Variants in CAMK4 observed in about 807,000 individuals in gnomAD.
CAMK4 encodes calcium/calmodulin-dependent protein kinase type IV.
CAMK4 carries 22 observed loss-of-function variants against 44.9 expected under a neutral mutation model. That is an observed-to-expected ratio of 0.49 (90% CI 0.35 to 0.70). The LOEUF (loss-of-function observed/expected upper bound fraction) is 0.70. CAMK4 is among the 30% of genes least tolerant of loss of function. The pLI, the probability that CAMK4 is intolerant of heterozygous loss-of-function variation, is 0.01. For synonymous variants in CAMK4, 218 were observed against 215.4 expected, an observed-to-expected ratio of 1.01 and a Z score of -0.11; for missense variants, 498 against 586.8, an observed-to-expected ratio of 0.85 and a Z score of 1.56.
chr5:111,477,844 CT>C (rs1755299932), intron 8 of CAMK4, among the ~76,000 whole-genome samples: 1 of 152,058 alleles, frequency 6.6e-6, no homozygotes, highest in Non-Finnish European at 1.5e-5. Context: ...TGTCATAAAG[CT>C]TTACTCATTT....
intron 5 of CAMK4, among the ~76,000 whole-genome samples, chr5:111,405,249 C>A (rs1752377839): frequency 6.6e-6 from 1 of 152,162 alleles, no homozygotes; most frequent in South Asian, 2.1e-4. Flanking sequence ...GCGGGCGGAT[C>A]ACAAGGTCAA....
intron 5 of CAMK4, among the ~76,000 whole-genome samples, chr5:111,420,431 T>A (rs1004690524): frequency 2.0e-5 from 3 of 152,174 alleles, no homozygotes; most frequent in Non-Finnish European, 2.9e-5. Context: ...TACCCTTTAT[T>A]TACTTCTCCT....
intron 5 of CAMK4, among the ~76,000 whole-genome samples, chr5:111,432,410 A>T (rs1753482102): frequency 6.6e-6 from 1 of 151,938 alleles, no homozygotes; most frequent in African/African-American, 2.4e-5. Context: ...TACCAAGAAA[A>T]ATTAAAAAGA....
chr5:111,449,142 C>G lies in CAMK4; in HGVS notation c.564C>G (p.Leu188=), dbSNP rs763176651. 3 of 1,558,218 alleles carry G rather than the reference C, an allele frequency of 1.9e-6. No homozygotes were observed. Among genetic ancestry groups the G allele is most frequent in the Non-Finnish European group, 2.7e-6 (3 of 1,131,236 alleles). ...TTGTGTTATTAGCTGATTTTGGACT[C>G]TCTAAAATTGTGGAACATCAAGTGC... is the stretch of plus-strand genomic sequence containing the variant. ...DAPLKIADFG[L]SKIVEHQVLM... The change falls in exon 7 of 11, where the codon CTC becomes CTG. Residue 188 remains leucine, a synonymous_variant. Coordinates refer to ENST00000282356, the MANE Select transcript of CAMK4 (RefSeq NM_001744.6).
At chr5:111,470,015 G>A (rs575140716) in intron 7 of CAMK4, among the ~76,000 whole-genome samples, 9 of 152,358 alleles carry the variant, frequency 5.9e-5, no homozygotes, top group African/African-American at 1.9e-4. Context: ...CTGATGTGAA[G>A]ACCTGCATGG....
intron 1 of CAMK4, among the ~76,000 whole-genome samples, chr5:111,309,176 C>G (rs552549290): frequency 1.3e-5 from 2 of 152,292 alleles, no homozygotes; most frequent in South Asian, 4.1e-4. Context: ...CATCGCTTAA[C>G]AATTGTTGTG....
chr5:111,321,891 C>T (rs1329986268), intron 1 of CAMK4, among the ~76,000 whole-genome samples: 14 of 152,038 alleles, frequency 9.2e-5, no homozygotes, highest in Non-Finnish European at 5.9e-5. Context: ...CAAGTTTTGT[C>T]AACATTTTCA....
chr5:111,342,124 A>T (rs990447095), intron 1 of CAMK4, among the ~76,000 whole-genome samples: 6 of 151,192 alleles, frequency 4.0e-5, no homozygotes, highest in African/African-American at 4.8e-5. Context: ...TCTAAATGTC[A>T]CTTAGTATAA....
At chr5:111,442,829 A>T (rs931863469) in intron 5 of CAMK4, among the ~76,000 whole-genome samples, 3 of 149,208 alleles carry the variant, frequency 2.0e-5, no homozygotes, top group Admixed American at 6.7e-5. Flanking sequence ...TTATATTTTT[A>T]AATATTTTAA....
At position 111,267,929 on chromosome 5, in the gene CAMK4, G is replaced by A. The variant is rs908933162; in HGVS notation, c.161+43285G>A. The stretch of plus-strand genomic sequence containing the variant: ...AGAACTCTGTATTATTTATTTGTCT[G>A]GGTAGCAAACGGTACTGATTAGTTG... On this transcript the variant is annotated intron_variant, in intron 1 of 10. Coordinates refer to ENST00000282356, the MANE Select transcript of CAMK4 (RefSeq NM_001744.6). Among the ~76,000 whole-genome samples the A allele has an allele frequency of 7.2e-5, 11 of 152,280 alleles. 1 individual carries two copies. Among genetic ancestry groups the A allele is most frequent in the East Asian group, 3.9e-4 (2 of 5,184 alleles).
chr5:111,397,693 T>G (rs1650797), intron 5 of CAMK4, among the ~76,000 whole-genome samples: 44,635 of 108,982 alleles, frequency 0.41, 7,650 homozygotes, highest in East Asian at 0.6. Context: ...GTGTGTGTGT[T>G]TGCAGTTTAC....
At chr5:111,243,723 T>G (rs1696199105) in intron 1 of CAMK4, among the ~76,000 whole-genome samples, 1 of 152,196 alleles carries the variant, frequency 6.6e-6, no homozygotes, top group African/African-American at 2.4e-5. Context: ...GGCAAGTATC[T>G]CTGGGAGTCT....
intron 4 of CAMK4, among the ~76,000 whole-genome samples, chr5:111,392,880 C>G (rs1751859266): frequency 6.6e-6 from 1 of 151,936 alleles, no homozygotes; most frequent in African/African-American, 2.4e-5. Flanking sequence ...AAAATAACCA[C>G]CAAAGACTTC....
At chr5:111,401,346 C>T (rs1253775033) in intron 5 of CAMK4, among the ~76,000 whole-genome samples, 4 of 152,198 alleles carry the variant, frequency 2.6e-5, no homozygotes, top group African/African-American at 9.6e-5. Context: ...ACTATGTAGG[C>T]CAGGCTGTCA....
At chr5:111,337,725 G>A (rs1476675099) in intron 1 of CAMK4, among the ~76,000 whole-genome samples, 1 of 151,064 alleles carries the variant, frequency 6.6e-6, no homozygotes, top group East Asian at 2.0e-4. Flanking sequence ...AAGGTCATTG[G>A]CACTAGTAAG....
intron 1 of CAMK4, among the ~76,000 whole-genome samples, chr5:111,277,243 C>T (rs1750804623): frequency 6.6e-6 from 1 of 152,228 alleles, no homozygotes; most frequent in African/African-American, 2.4e-5. Flanking sequence ...TTGGAGGCCA[C>T]AGGCTTTCAA....
chr5:111,474,921 G>A (rs1470807511), intron 8 of CAMK4, among the ~76,000 whole-genome samples: 1 of 152,190 alleles, frequency 6.6e-6, no homozygotes, highest in Non-Finnish European at 1.5e-5. Context: ...CCAGCACTTC[G>A]GGAGGCCGAG....
intron 1 of CAMK4, among the ~76,000 whole-genome samples, chr5:111,238,749 GA>G (rs914791610): frequency 2.4e-4 from 35 of 143,244 alleles, no homozygotes; most frequent in African/African-American, 9.2e-4. Context: ...ACTTCACAAG[GA>G]GTAAAGCTCC....
intron 1 of CAMK4, among the ~76,000 whole-genome samples, chr5:111,238,497 A>G (rs888828161): frequency 1.3e-5 from 2 of 151,950 alleles, no homozygotes; most frequent in Non-Finnish European, 2.9e-5. Context: ...GAACCCGACC[A>G]CACTGGCACC....
Sources: gnomAD v4.1 joint callset for allele counts (sites outside exome capture counted in the v4.1 genomes callset) on GRCh38, gnomAD v4.1.1 for gene constraint, MANE v1.5 for transcripts, NCBI Gene and HGNC (gene_info 2026-07-23, HGNC 2026-07-21) for gene names.